Variants in NWD1 observed in about 807,000 individuals in gnomAD.
The protein encoded by NWD1 is NACHT domain- and WD repeat-containing protein 1.
A neutral mutation model predicts 135.1 loss-of-function variants in NWD1; 129 were observed. The ratio of observed to expected loss-of-function variants is 0.96; its 90% CI spans 0.83 to 1.11. NWD1 has a LOEUF of 1.11. Ranked by LOEUF, NWD1 falls within the 50% of genes least tolerant of loss-of-function variation. The probability of loss-of-function intolerance (pLI) is 0.00; values close to 1 mark genes in which losing one functional copy is unlikely to be tolerated. For synonymous variants in NWD1, 773 were observed against 786.0 expected, an observed-to-expected ratio of 0.98 and a Z score of 0.28; for missense variants, 1,740 against 1,851.3, an observed-to-expected ratio of 0.94 and a Z score of 1.10.
intron 2 of NWD1, among the ~76,000 whole-genome samples, chr19:16,728,300 T>TC (rs60849827): frequency 1.0e-4 from 14 of 135,112 alleles, no homozygotes; most frequent in African/African-American, 2.9e-4. Flanking sequence ...TTTTTTTTTT[T>TC]CTGAGATGGA....
At chr19:16,735,839 AAGGAAGGAAGGAAGGAAGGAAGGAAGG>A (rs1341609608) in intron 3 of NWD1, among the ~76,000 whole-genome samples, 20 of 49,834 alleles carry the variant, frequency 4.0e-4, no homozygotes, top group African/African-American at 1.9e-3. Context: ...AGAAGGAAGG[AAGGAAGGAAGGAAGGAAGGAAGGAAGG>A]AGGAAGGAAG....
At chr19:16,781,344 G>T (rs1969846296) in intron 12 of NWD1, among the ~76,000 whole-genome samples, 1 of 152,132 alleles carries the variant, frequency 6.6e-6, no homozygotes, top group Non-Finnish European at 1.5e-5. Context: ...ACTACAGTTG[G>T]CTGGGCGTGG....
chr19:16,726,247 C>T (rs1335627257), intron 2 of NWD1, among the ~76,000 whole-genome samples: 1 of 152,028 alleles, frequency 6.6e-6, no homozygotes, highest in Middle Eastern at 3.2e-3. Flanking sequence ...CAGGCGTGAG[C>T]CACAGCTCCT....
At chr19:16,754,307 A>G (rs1484697055) in intron 6 of NWD1, among the ~76,000 whole-genome samples, 1 of 133,186 alleles carries the variant, frequency 7.5e-6, no homozygotes, top group Non-Finnish European at 1.6e-5. Flanking sequence ...CATCATGTCT[A>G]TCTTCCATCC....
At chr19:16,747,515 C>G (rs1246059410) in intron 5 of NWD1, among the ~76,000 whole-genome samples, 1 of 151,498 alleles carries the variant, frequency 6.6e-6, no homozygotes, top group Non-Finnish European at 1.5e-5. Flanking sequence ...TAGCTGGGAC[C>G]GCAGTCACAC....
chr19:16,780,305 G>A (rs984353729), intron 12 of NWD1, among the ~76,000 whole-genome samples: 3 of 151,758 alleles, frequency 2.0e-5, no homozygotes, highest in Non-Finnish European at 4.4e-5. Context: ...ACAGGCGCCC[G>A]CCACCATGCC....
chr19:16,784,002 C>T (rs1052466544), intron 12 of NWD1, among the ~76,000 whole-genome samples: 1 of 151,980 alleles, frequency 6.6e-6, no homozygotes, highest in African/African-American at 2.4e-5. Flanking sequence ...GTCAGGAGTT[C>T]GAAACCAGCC....
rs184832335 is a variant in NWD1 at position 16,791,614 on chromosome 19, A to G, written c.3205A>G (p.Ile1069Val). ...TGTTACCGGGTTTAGCAATGGCTCC[A>G]TCTCTTTGGTAAGCACCTTTACTGA... is the stretch of plus-strand genomic sequence containing the variant. ...KLVTGFSNGSISLVSSKGDRL... is the reference protein window; with the variant it reads ...KLVTGFSNGSVSLVSSKGDRL... The change falls in exon 14 of 19, where the codon ATC (isoleucine) becomes GTC (valine). Residue 1069 changes from isoleucine to valine, a missense_variant. By Grantham distance (29) the Ile-to-Val change is conservative. Transcript: ENST00000524140. 113 of 1,613,954 alleles carry G rather than the reference A, an allele frequency of 7.0e-5. No individual in the cohort carries two copies. The Admixed American group carries it at 1.8e-3, about 26-fold the overall frequency.
At chr19:16,797,047 G>C (rs1261959167) in intron 15 of NWD1, among the ~76,000 whole-genome samples, 2 of 151,880 alleles carry the variant, frequency 1.3e-5, no homozygotes, top group Non-Finnish European at 2.9e-5. Context: ...AGGCATGGTG[G>C]TCAGCACCTA....
chr19:16,788,262 TAATAATAATAATAA>T (rs1162814849), intron 12 of NWD1, among the ~76,000 whole-genome samples: 2 of 142,198 alleles, frequency 1.4e-5, no homozygotes, highest in Non-Finnish European at 3.0e-5. Flanking sequence ...ATAATAATAA[TAATAATAATAATAA>T]TAATAATAAA....
In NWD1 at chr19:16,731,293, C is replaced by G. The variant is rs1400451525; in HGVS notation, c.81+15C>G. The G allele has an allele frequency of 2.1e-6, 3 of 1,454,690 alleles. No individual in the cohort carries two copies. The South Asian group carries it at 3.7e-5, about 18-fold the overall frequency. The allele number at this position is 1,454,690 out of a possible 1,614,324, so 90.1% of individuals were successfully genotyped here. On this transcript the variant is annotated intron_variant, in intron 3 of 18. Transcript: ENST00000524140. ...TGATGTTTGAGGTAACTGGAAGTCA[C>G]TCCGGGCTCCATGCTTTTTTTATTT...
intron 10 of NWD1, among the ~76,000 whole-genome samples, chr19:16,771,953 A>G (rs1253297801): frequency 2.7e-5 from 4 of 150,070 alleles, no homozygotes; most frequent in African/African-American, 2.5e-5. Flanking sequence ...GCGCGCCACC[A>G]TGCTCGGCTA....
At chr19:16,776,888 G>A (rs1050238396) in intron 11 of NWD1, among the ~76,000 whole-genome samples, 2 of 143,852 alleles carry the variant, frequency 1.4e-5, no homozygotes, top group Admixed American at 1.4e-4. Flanking sequence ...GCTGCAGTGA[G>A]CTGTGATTGT....
intron 18 of NWD1, among the ~76,000 whole-genome samples, chr19:16,814,372 T>C (rs536234780): frequency 3.3e-5 from 5 of 152,260 alleles, no homozygotes; most frequent in South Asian, 2.1e-4. Context: ...CTGTCTCCTA[T>C]AGAAAAGGCG....
intron 11 of NWD1, 88 bp downstream of exon 11, chr19:16,773,411 G>T (rs1328431910): frequency 2.6e-6 from 3 of 1,161,950 alleles, no homozygotes; most frequent in East Asian, 5.1e-5. Context: ...TGTCCTCTGG[G>T]ACTCCCCTGT....
intron 4 of NWD1, among the ~76,000 whole-genome samples, chr19:16,738,003 A>AAGAAAAAAAAGAAAAGAAAAGAAGAAAAG (rs1967907279): frequency 2.2e-5 from 3 of 138,066 alleles, no homozygotes; most frequent in Admixed American, 7.1e-5. Flanking sequence ...AAGAAAAGAA[A>AAGAAAAAAAAGAAAAGAAAAGAAGAAAAG]AGAAAAGAAA....
In NWD1 at chr19:16,744,499, C is replaced by G. The variant is rs935330509; in HGVS notation, c.277C>G (p.His93Asp). The G allele has an allele frequency of 9.8e-6, 15 of 1,535,868 alleles. No individual in the cohort carries two copies. In the African/African-American group the frequency reaches 2.1e-4, roughly 21 times the overall value. ...DEKEWEVLRDHLTARPSDLEL... is the reference protein window; with the variant it reads ...DEKEWEVLRDDLTARPSDLEL... ...GAAGGAGTGGGAGGTATTGAGGGACCATCTGACTGCCAGGCCAAGTGACCT... is the reference window on the plus strand; with the variant it reads ...GAAGGAGTGGGAGGTATTGAGGGACGATCTGACTGCCAGGCCAAGTGACCT... Residue 93 changes from histidine (H) to aspartate (D), a missense_variant, in exon 5 of 19, where the codon CAT (histidine) becomes GAT (aspartate). His to Asp is a moderately conservative substitution (Grantham distance 81). Coordinates refer to ENST00000524140, the MANE Select transcript of NWD1 (RefSeq NM_001007525.5).
At chr19:16,800,298 C>A in intron 17 of NWD1, 136 bp downstream of exon 17, 1 of 877,758 alleles carries the variant, frequency 1.1e-6, no homozygotes, top group Non-Finnish European at 1.7e-6. Context: ...CTTTGGGAGG[C>A]CTTGGCGGGT....
chr19:16,794,118 C>T (rs1395809128), intron 14 of NWD1, among the ~76,000 whole-genome samples: 1 of 152,228 alleles, frequency 6.6e-6, no homozygotes, highest in African/African-American at 2.4e-5. Context: ...GTAATCCCAG[C>T]ACTTTGGGAG....
Sources: allele counts gnomAD v4.1 joint callset (sites outside exome capture counted in the v4.1 genomes callset), GRCh38; gene constraint gnomAD v4.1.1; transcripts MANE v1.5; gene names NCBI Gene and HGNC (gene_info 2026-07-23, HGNC 2026-07-21).